NEMP2: variants seen among roughly 807,000 people sequenced by gnomAD.
NEMP2 encodes the protein nuclear envelope integral membrane protein 2.
NEMP2 carries 53 observed loss-of-function variants against 54.2 expected under a neutral mutation model. The ratio of observed to expected loss-of-function variants is 0.98; its 90% CI spans 0.78 to 1.23. NEMP2 has a LOEUF of 1.23. NEMP2 is among the 50% of genes most tolerant of loss of function. The pLI is 0.00. For synonymous variants in NEMP2, 197 were observed against 190.3 expected (o/e 1.04, Z -0.29); for missense variants, 455 against 511.3 (o/e 0.89, Z 1.06).
At chr2:190,641,438 TG>T in the NEMP2 span, 1 of 152,252 alleles carries the variant, frequency 6.6e-6, no homozygotes, top group Non-Finnish European at 1.5e-5. Context: ...CTCCAGCTGC[TG>T]GGTCCTTTGG....
At chr2:190,595,619 A>G in the NEMP2 span, among the ~76,000 whole-genome samples, 1 of 152,242 alleles carries the variant, frequency 6.6e-6, no homozygotes, top group African/African-American at 2.4e-5. The surrounding 1 kb of genome is among the most constrained non-coding windows in gnomAD (Gnocchi z 4.0). Flanking sequence ...TTGAAAGAAG[A>G]CATTTATGTG....
chr2:190,425,925 A>G, the NEMP2 span, among the ~76,000 whole-genome samples: 1 of 152,168 alleles, frequency 6.6e-6, no homozygotes, highest in Non-Finnish European at 1.5e-5. The surrounding 1 kb of genome is among the most constrained non-coding windows in gnomAD (Gnocchi z 4.3). Context: ...GAAATCTGCT[A>G]TCATTTCAAT....
chr2:190,548,596 T>C, the NEMP2 span, among the ~76,000 whole-genome samples: 1 of 152,260 alleles, frequency 6.6e-6, no homozygotes, highest in Non-Finnish European at 1.5e-5. Context: ...TGAAATATTA[T>C]AGGTACTTTT....
the NEMP2 span, among the ~76,000 whole-genome samples, chr2:190,639,636 G>GTTTTTTTTTTTTTT: frequency 2.1e-5 from 3 of 143,960 alleles, no homozygotes; most frequent in Non-Finnish European, 3.1e-5. Context: ...TTATTGTTGA[G>GTTTTTTTTTTTTTT]TTTTTTTTTT....
At chr2:190,578,092 A>G in the NEMP2 span, among the ~76,000 whole-genome samples, 2 of 152,144 alleles carry the variant, frequency 1.3e-5, no homozygotes, top group African/African-American at 4.8e-5. The surrounding 1 kb of genome is among the most constrained non-coding windows in gnomAD (Gnocchi z 4.4). Context: ...TGTCCTTTAT[A>G]TCTTCTGTGG....
At chr2:190,501,557 G>A (rs1690025637), downstream of NEMP2, 1 of 152,142 alleles carries the variant, frequency 6.6e-6, no homozygotes, top group Admixed American at 6.5e-5. Context: ...AGCTGTGGAT[G>A]AGCACAGGAG....
Position 190,527,249 on chromosome 2 carries a change from A to C in NEMP2, c.98-1871T>G, listed in dbSNP as rs1690972967. ...CACCAAAGTTGGGGAAGGACTGAGT[A>C]AACAGTAACTACTAGTAAACAATCA... On this transcript the variant is annotated intron_variant, in intron 1 of 8. Coordinates refer to ENST00000409150, the MANE Select transcript of NEMP2 (RefSeq NM_001142645.2). The surrounding 1 kb of genome is among the most constrained non-coding windows in gnomAD (Gnocchi z 4.0). Among the ~76,000 whole-genome samples, 1 of 152,240 alleles carries C rather than the reference A, an allele frequency of 6.6e-6. No individual in the cohort carries two copies. Among genetic ancestry groups the C allele is most frequent in the Non-Finnish European group, 1.5e-5 (1 of 68,044 alleles).
rs1251836666 is a variant in NEMP2, at chr2:190,512,267, C to G, written c.954-1730G>C. Among the ~76,000 whole-genome samples the G allele has an allele frequency of 6.6e-6, 1 of 152,136 alleles. No homozygotes were observed. The highest frequency in any genetic ancestry group is 1.9e-4 in the East Asian group (1 of 5,192). On this transcript the variant is annotated intron_variant, in intron 7 of 8. Coordinates refer to ENST00000409150, the MANE Select transcript of NEMP2 (RefSeq NM_001142645.2). This position sits in a 1 kb window ranked among gnomAD's most constrained non-coding sequence, Gnocchi z 4.5. ...AAAATTAAAATGAAAGCAATAATAT[C>G]TCCCTCATCTACTTCATAGGTCACT...
the NEMP2 span, among the ~76,000 whole-genome samples, chr2:190,492,498 T>G: frequency 2.0e-5 from 3 of 152,200 alleles, no homozygotes; most frequent in African/African-American, 7.2e-5. This position sits in a 1 kb window ranked among gnomAD's most constrained non-coding sequence, Gnocchi z 5.2. Context: ...ATGTTCAGCC[T>G]CATAATTAAT....
the NEMP2 span, chr2:190,610,942 A>G: frequency 1.3e-5 from 2 of 152,210 alleles, no homozygotes; most frequent in African/African-American, 4.8e-5. The surrounding 1 kb of genome is among the most constrained non-coding windows in gnomAD (Gnocchi z 5.4). Context: ...ACTCTTCAAG[A>G]GTCCTGAACG....
In NEMP2 at chr2:190,519,060, C is replaced by A. The variant is rs1212122753; in HGVS notation, c.337G>T (p.Glu113Ter). 6.4e-7 allele frequency: 1 copy of A among 1,550,998 alleles called. No individual in the cohort carries two copies. The highest frequency in any genetic ancestry group is 1.4e-5 in the African/African-American group (1 of 73,064). ...CVIHNFWIPK[E>*]SNEITIIINP... ...ATGATTATGGTTATTTCGTTAGATT[C>A]CTTTGGTATCCAAAAGTTATGAATC... The change falls in exon 3 of 9, where the codon GAA becomes TAA. Residue 113 changes from glutamate (E) to a stop codon, truncating the protein, a stop_gained. Coordinates refer to ENST00000409150, the MANE Select transcript of NEMP2 (RefSeq NM_001142645.2). LOFTEE classifies it high-confidence loss of function. The surrounding 1 kb of genome is among the most constrained non-coding windows in gnomAD (Gnocchi z 5.4).
chr2:190,606,467 T>G, the NEMP2 span, among the ~76,000 whole-genome samples: 1 of 152,230 alleles, frequency 6.6e-6, no homozygotes, highest in South Asian at 2.1e-4. Flanking sequence ...ATCCCAGCAC[T>G]TTGGGAGGCC....
At chr2:190,554,751 C>T in the NEMP2 span, among the ~76,000 whole-genome samples, 1 of 152,252 alleles carries the variant, frequency 6.6e-6, no homozygotes, top group African/African-American at 2.4e-5. This position sits in a 1 kb window ranked among gnomAD's most constrained non-coding sequence, Gnocchi z 5.7. Context: ...TTAAACGTCC[C>T]TGCCTGGCAG....
At chr2:190,458,832 G>T in the NEMP2 span, among the ~76,000 whole-genome samples, 1 of 152,200 alleles carries the variant, frequency 6.6e-6, no homozygotes, top group Non-Finnish European at 1.5e-5. This position sits in a 1 kb window ranked among gnomAD's most constrained non-coding sequence, Gnocchi z 5.3. Context: ...ATCAGAACCT[G>T]CATCTCTCCC....
chr2:190,497,972 GAAAT>G, the NEMP2 span: 2 of 330,200 alleles, frequency 6.1e-6, no homozygotes, highest in Admixed American at 4.4e-5. This position sits in a 1 kb window ranked among gnomAD's most constrained non-coding sequence, Gnocchi z 5.2. Flanking sequence ...CTTCTTGAAA[GAAAT>G]AAAATAAATT....
At chr2:190,586,869 T>C in the NEMP2 span, among the ~76,000 whole-genome samples, 5 of 152,230 alleles carry the variant, frequency 3.3e-5, no homozygotes, top group Non-Finnish European at 4.4e-5. This position sits in a 1 kb window ranked among gnomAD's most constrained non-coding sequence, Gnocchi z 4.5. Context: ...GAATTTAATC[T>C]ATTTAAAAAA....
At chr2:190,616,626 C>T in the NEMP2 span, among the ~76,000 whole-genome samples, 1 of 152,304 alleles carries the variant, frequency 6.6e-6, no homozygotes, top group African/African-American at 2.4e-5. This position sits in a 1 kb window ranked among gnomAD's most constrained non-coding sequence, Gnocchi z 5.1. Flanking sequence ...AATGTATCCT[C>T]TTTTGAATAG....
At chr2:190,585,696 A>G in the NEMP2 span, among the ~76,000 whole-genome samples, 1 of 152,054 alleles carries the variant, frequency 6.6e-6, no homozygotes, top group Non-Finnish European at 1.5e-5. The surrounding 1 kb of genome is among the most constrained non-coding windows in gnomAD (Gnocchi z 5.3). Flanking sequence ...CATCTCCCTA[A>G]AGGATCATAG....
At chr2:190,499,817 A>T, downstream of NEMP2, 1 of 1,534,090 alleles carries the variant, frequency 6.5e-7, no homozygotes, top group Non-Finnish European at 8.8e-7. The surrounding 1 kb of genome is among the most constrained non-coding windows in gnomAD (Gnocchi z 6.0). Context: ...TGTGTTTTTC[A>T]TGCGGCTCTG....
Sources: gnomAD v4.1 joint callset for allele counts (sites outside exome capture counted in the v4.1 genomes callset) on GRCh38, gnomAD v4.1.1 for gene constraint, Gnocchi (gnomAD v3.1) non-coding constraint, MANE v1.5 for transcripts, NCBI Gene and HGNC (gene_info 2026-07-23, HGNC 2026-07-21) for gene names.